The following P2RX7 variants were observed in gnomAD, a reference collection of about 807,000 sequenced individuals.
P2RX7 encodes the protein purinergic receptor P2X 7.
Under a neutral mutation model 71.6 loss-of-function variants are expected in P2RX7, and 62 were observed. The ratio of observed to expected loss-of-function variants is 0.87; its 90% CI spans 0.71 to 1.07. P2RX7 has a LOEUF of 1.07. P2RX7 is among the 50% of genes least tolerant of loss of function. The pLI, the probability that P2RX7 is intolerant of heterozygous loss-of-function variation, is 0.00. For synonymous variants in P2RX7, 299 were observed against 283.3 expected (o/e 1.06, Z -0.56); for missense variants, 686 against 748.5 (o/e 0.92, Z 0.97).
Position 121,184,365 on chromosome 12 carries a change from C to G in P2RX7, c.1351C>G (p.Pro451Ala). The change falls in exon 13 of 13, where the codon CCG (proline) becomes GCG (alanine). Residue 451 changes from proline (P) to alanine (A), a missense_variant. By Grantham distance (27) the Pro-to-Ala change is conservative. Transcript: ENST00000328963. Reference sequence around the variant, plus strand: ...GCCCCTGGCCCTCCATGACACACCCCCGATTCCTGGACAACCAGAGGAGAT... The same window carrying G: ...GCCCCTGGCCCTCCATGACACACCCGCGATTCCTGGACAACCAGAGGAGAT... ...RLPLALHDTP[P>A]IPGQPEEIQL... 1 of 1,614,138 alleles carries G rather than the reference C, an allele frequency of 6.2e-7. No homozygotes were observed. Among genetic ancestry groups the G allele is most frequent in the South Asian group, 1.1e-5 (1 of 91,082 alleles).
At chr12:121,134,264 G>A (rs910001776) in intron 1 of P2RX7, among the ~76,000 whole-genome samples, 1 of 152,146 alleles carries the variant, frequency 6.6e-6, no homozygotes, top group African/African-American at 2.4e-5. Flanking sequence ...CCTTTGGGGG[G>A]AATGTGGAGC....
chr12:121,180,209 C>G, intron 11 of P2RX7, 145 bp from the exon 12 acceptor site: 1 of 305,774 alleles, frequency 3.3e-6, no homozygotes, highest in South Asian at 7.6e-5. Flanking sequence ...ACTCAGAAAT[C>G]ATTAATTCTT....
rs1221671014 is a variant in P2RX7 at position 121,185,691 on chromosome 12, A to G, written c.*889A>G. On this transcript the variant is annotated 3_prime_UTR_variant, in exon 13 of 13. Coordinates refer to ENST00000328963, the MANE Select transcript of P2RX7 (RefSeq NM_002562.6). ...GTGTCAGTTTCAGATCCTGATCTTA[A>G]GAGGCTGACAGCTTCTACTTGCTGT... 6.6e-6 allele frequency: 1 copy of G among 152,598 alleles called. No individual in the cohort carries two copies. The highest frequency in any genetic ancestry group is 1.5e-5 in the Non-Finnish European group (1 of 68,036). The allele number at this position is 152,598 out of a possible 1,614,324, so 9.5% of individuals were successfully genotyped here.
intron 1 of P2RX7, among the ~76,000 whole-genome samples, chr12:121,142,491 G>A (rs1346790156): frequency 6.6e-6 from 1 of 152,024 alleles, no homozygotes; most frequent in East Asian, 1.9e-4. Context: ...TTCTTTTAAG[G>A]GGCTCATGTG....
chr12:121,144,634 A>T (rs890828176), intron 1 of P2RX7, among the ~76,000 whole-genome samples: 17 of 152,224 alleles, frequency 1.1e-4, no homozygotes, highest in African/African-American at 4.1e-4. Flanking sequence ...AAAGTATTGC[A>T]GTGTAGAGAG....
rs1025700656 is a variant in P2RX7 at position 121,187,636 on chromosome 12, C to T, written c.*2834C>T. Reference sequence around the variant, plus strand: ...CTACTGTTTTCCATCACCTTCCCCACTGATGCTCTGGGCGAGAGAGTGATG... The same window carrying T: ...CTACTGTTTTCCATCACCTTCCCCATTGATGCTCTGGGCGAGAGAGTGATG... On this transcript the variant is annotated 3_prime_UTR_variant, in exon 13 of 13. Transcript: ENST00000328963. The T allele has an allele frequency of 2.6e-5, 4 of 151,808 alleles. No individual in the cohort carries two copies. The highest frequency in any genetic ancestry group is 5.9e-5 in the Non-Finnish European group (4 of 67,858). The allele number at this position is 151,808 out of a possible 1,614,324, so 9.4% of individuals were successfully genotyped here.
chr12:121,171,862 C>CTTTCTTTTTTT (rs1555228404), intron 8 of P2RX7, among the ~76,000 whole-genome samples: 1 of 131,146 alleles, frequency 7.6e-6, no homozygotes, highest in Non-Finnish European at 1.6e-5. Context: ...TTCTTTCTTT[C>CTTTCTTTTTTT]TTTTTTTTTT....
intron 8 of P2RX7, among the ~76,000 whole-genome samples, chr12:121,170,559 G>A (rs933755982): frequency 6.6e-6 from 1 of 152,192 alleles, no homozygotes; most frequent in Admixed American, 6.5e-5. Context: ...AGGATCACCT[G>A]AGGTCAGGAG....
At chr12:121,179,469 C>T (rs2567997) in intron 11 of P2RX7, among the ~76,000 whole-genome samples, 57,683 of 148,686 alleles carry the variant, frequency 0.39, 11,578 homozygotes, top group African/African-American at 0.45. Context: ...CATTGCACTC[C>T]AGCCTGGGCA....
intron 11 of P2RX7, among the ~76,000 whole-genome samples, chr12:121,179,500 CAAA>C (rs35332034): frequency 2.6e-5 from 3 of 117,402 alleles, no homozygotes; most frequent in Non-Finnish European, 1.8e-5. Context: ...AACTCCGTCT[CAAA>C]AAAAAAAAAA....
chr12:121,163,895 G>A (rs1179793074), intron 5 of P2RX7, among the ~76,000 whole-genome samples: 1 of 152,164 alleles, frequency 6.6e-6, no homozygotes, highest in Admixed American at 6.5e-5. Flanking sequence ...GCCCCAAGCT[G>A]GCCTGTAGAA....
chr12:121,154,753 C>T lies in P2RX7; in HGVS notation c.126-32C>T. 6.8e-7 allele frequency: 1 copy of T among 1,463,996 alleles called. No homozygotes were observed. The highest frequency in any genetic ancestry group is 9.6e-7 in the Non-Finnish European group (1 of 1,042,968). 90.7% of individuals were successfully genotyped at this position (1,463,996 alleles called of 1,614,324 possible). A position where few individuals can be genotyped will look rare whatever the true frequency, so the allele number is the denominator to read the frequency against. On this transcript the variant is annotated intron_variant, in intron 1 of 12. Transcript: ENST00000328963. This position sits in a 1 kb window ranked among gnomAD's most constrained non-coding sequence, Gnocchi z 4.2. ...CATCCCAACCCGCTGTGCTATGCCTCCCGTTGATGCTTTCCCATGTCTGCC... is the reference window on the plus strand; with the variant it reads ...CATCCCAACCCGCTGTGCTATGCCTTCCGTTGATGCTTTCCCATGTCTGCC...
chr12:121,178,312 A>C (rs1348805034), intron 11 of P2RX7, among the ~76,000 whole-genome samples: 1 of 152,216 alleles, frequency 6.6e-6, no homozygotes, highest in Non-Finnish European at 1.5e-5. Flanking sequence ...AACTATGGTA[A>C]ATCCATAGAA....
At chr12:121,172,266 C>T (rs921261565) in intron 8 of P2RX7, among the ~76,000 whole-genome samples, 2 of 152,308 alleles carry the variant, frequency 1.3e-5, no homozygotes, top group African/African-American at 4.8e-5. Context: ...CCAGGCAAAC[C>T]AACTCACATA....
chr12:121,175,576 C>A, intron 9 of P2RX7, 98 bp downstream of exon 9: 1 of 713,960 alleles, frequency 1.4e-6, no homozygotes, highest in Non-Finnish European at 2.6e-6. Context: ...TGGTCTCAGC[C>A]TTCAGCTAGC....
In P2RX7 at chr12:121,177,446, G is replaced by A. The variant is rs1883350154; in HGVS notation, c.1188G>A (p.Pro396=). The A allele has an allele frequency of 6.2e-7, 1 of 1,612,716 alleles. No individual in the cohort carries two copies. The change falls in exon 11 of 13, where the codon CCG becomes CCA. Residue 396 remains proline (P), a splice_region_variant and synonymous_variant. Transcript: ENST00000328963. Reference sequence around the variant, plus strand: ...GCGAGTCCATTGTGGAGCCAAAGCCGGTGAGGCCGCTGTGTTCACAGGACA... The same window carrying A: ...GCGAGTCCATTGTGGAGCCAAAGCCAGTGAGGCCGCTGTGTTCACAGGACA... ...KKCESIVEPK[P]TLKYVSFVDE...
chr12:121,160,880 T>G, intron 3 of P2RX7, 22 bp from the exon 4 acceptor site: 1 of 1,592,336 alleles, frequency 6.3e-7, no homozygotes, highest in Non-Finnish European at 8.6e-7. Flanking sequence ...TACTCCCCAC[T>G]CTGTCATCCT....
In P2RX7 at chr12:121,184,472, A is replaced by G. The variant is rs199975306; in HGVS notation, c.1458A>G (p.Gln486=). The G allele has an allele frequency of 1.9e-5, 31 of 1,613,842 alleles. No homozygotes were observed. The highest frequency in any genetic ancestry group is 2.4e-5 in the Non-Finnish European group (28 of 1,179,950). Reference sequence around the variant, plus strand: ...AGTGTGGAAGCTGCCTCCCATCTCAACTCCCTGAGAGCCACAGGTGCCTGG... The same window carrying G: ...AGTGTGGAAGCTGCCTCCCATCTCAGCTCCCTGAGAGCCACAGGTGCCTGG... ...WCQCGSCLPS[Q]LPESHRCLEE... is the part of the protein sequence containing the mutation. Residue 486 remains glutamine, a synonymous_variant, in exon 13 of 13, where the codon CAA becomes CAG. Coordinates refer to ENST00000328963, the MANE Select transcript of P2RX7 (RefSeq NM_002562.6).
intron 4 of P2RX7, among the ~76,000 whole-genome samples, chr12:121,161,789 T>TA (rs11443206): frequency 0.34 from 41,162 of 119,310 alleles, 7,792 homozygotes; most frequent in African/African-American, 0.57. Context: ...GAGACCCCTT[T>TA]AAAAAAAAAA....
Sources: allele counts gnomAD v4.1 joint callset (sites outside exome capture counted in the v4.1 genomes callset), GRCh38; gene constraint gnomAD v4.1.1; non-coding constraint Gnocchi (gnomAD v3.1); transcripts MANE v1.5; gene names NCBI Gene and HGNC (gene_info 2026-07-23, HGNC 2026-07-21).